The following ZFP14 variants were observed in gnomAD, a reference collection of about 807,000 sequenced individuals.
ZFP14 encodes the protein ZFP14 zinc finger protein.
Under a neutral mutation model 54.5 loss-of-function variants are expected in ZFP14, and 22 were observed. That is an observed-to-expected ratio of 0.40 (90% CI 0.29 to 0.58). The LOEUF (loss-of-function observed/expected upper bound fraction) is 0.58. Among genes scored for constraint, ZFP14 ranks in the 20% least tolerant of loss-of-function variants. The pLI, the probability that ZFP14 is intolerant of heterozygous loss-of-function variation, is 0.39. For missense variants in ZFP14, 470 were observed against 637.8 expected, an observed-to-expected ratio of 0.74 and a Z score of 2.83; for synonymous variants, 159 against 204.0, an observed-to-expected ratio of 0.78 and a Z score of 1.88.
At chr19:36,364,949 C>T (rs1386560204) in intron 2 of ZFP14, among the ~76,000 whole-genome samples, 1 of 149,788 alleles carries the variant, frequency 6.7e-6, no homozygotes, top group African/African-American at 2.5e-5. Context: ...TTCTTTCCTT[C>T]CTTCCTCCTT....
At position 36,341,200 on chromosome 19, in the gene ZFP14, A is replaced by T; in HGVS notation, c.626T>A (p.Phe209Tyr). ...PYKCKECGQA[F>Y]RQRAHLIRHH... is the part of the protein sequence containing the mutation. Reference sequence around the variant, plus strand: ...TCGAATAAGATGTGCACGCTGTCTAAAGGCCTGCCCACATTCCTTACACTT... The same window carrying T: ...TCGAATAAGATGTGCACGCTGTCTATAGGCCTGCCCACATTCCTTACACTT... The change falls in exon 5 of 5, where the codon TTT (phenylalanine) becomes TAT (tyrosine). Residue 209 changes from phenylalanine to tyrosine, a missense_variant. By Grantham distance (22) the Phe-to-Tyr change is conservative. Transcript: ENST00000270001. This position sits in a 1 kb window ranked among gnomAD's most constrained non-coding sequence, Gnocchi z 4.2. 1.2e-6 allele frequency: 2 copies of T among 1,614,168 alleles called. No homozygotes were observed.
intron 4 of ZFP14, among the ~76,000 whole-genome samples, chr19:36,349,697 T>A (rs1298139660): frequency 1.4e-5 from 2 of 145,208 alleles, no homozygotes; most frequent in African/African-American, 2.5e-5. Context: ...ATATATATAA[T>A]ATATATATAA....
At chr19:36,371,855 G>A (rs780925006) in intron 1 of ZFP14, among the ~76,000 whole-genome samples, 7 of 151,928 alleles carry the variant, frequency 4.6e-5, no homozygotes, top group Non-Finnish European at 1.0e-4. Flanking sequence ...CTACATGGGC[G>A]GCTGAAGCAG....
chr19:36,357,633 G>A (rs957975309), intron 4 of ZFP14, among the ~76,000 whole-genome samples: 7 of 152,162 alleles, frequency 4.6e-5, no homozygotes, highest in Non-Finnish European at 8.8e-5. Context: ...CCTTTAGTGC[G>A]TGTGTGGCAG....
At chr19:36,351,516 G>T (rs2031525333) in intron 4 of ZFP14, among the ~76,000 whole-genome samples, 1 of 139,718 alleles carries the variant, frequency 7.2e-6, no homozygotes, top group African/African-American at 2.6e-5. Flanking sequence ...GAAAAAAAAA[G>T]GCATATGACA....
Position 36,337,622 on chromosome 19 carries a change from G to A in ZFP14, c.*2602C>T, listed in dbSNP as rs2031228548. On this transcript the variant is annotated 3_prime_UTR_variant, in exon 5 of 5. Coordinates refer to ENST00000270001, the MANE Select transcript of ZFP14 (RefSeq NM_020917.3). ...ATTTTACCATCAGTGGAGGATCCTG[G>A]AACCAATTCCCCATGGATACCAAGG... The A allele has an allele frequency of 6.6e-6, 1 of 152,126 alleles. No individual in the cohort carries two copies. Among genetic ancestry groups the A allele is most frequent in the Non-Finnish European group, 1.5e-5 (1 of 68,026 alleles). 9.4% of individuals were successfully genotyped at this position (152,126 alleles called of 1,614,324 possible).
At chr19:36,366,839 A>C (rs1177032661) in intron 2 of ZFP14, among the ~76,000 whole-genome samples, 1 of 152,106 alleles carries the variant, frequency 6.6e-6, no homozygotes, top group Non-Finnish European at 1.5e-5. Flanking sequence ...CTCCACAAAA[A>C]ATTTCAAAAA....
At chr19:36,352,113 G>A (rs2031537139) in intron 4 of ZFP14, among the ~76,000 whole-genome samples, 1 of 141,410 alleles carries the variant, frequency 7.1e-6, no homozygotes, top group Non-Finnish European at 1.6e-5. Context: ...GAACTCGGGA[G>A]GCAGAGCTTG....
Position 36,362,198 on chromosome 19 carries a change from T to C in ZFP14, c.50A>G (p.Gln17Arg), listed in dbSNP as rs201151846. ...TFRDVAIDFS[Q>R]EEWEFLDPAQ... The stretch of plus-strand genomic sequence containing the variant: ...AGGATCCAGGAATTCCCATTCTTCC[T>C]GTGAGAAGTCTATGGCCACATCCCT... Residue 17 changes from glutamine (Q) to arginine (R), a missense_variant, in exon 3 of 5, where the codon CAG becomes CGG. Transcript: ENST00000270001. 1.1e-4 allele frequency: 177 copies of C among 1,613,058 alleles called. No homozygotes were observed. Among genetic ancestry groups the C allele is most frequent in the Middle Eastern group, 8.3e-4 (5 of 6,060 alleles).
At chr19:36,347,442 T>G (rs1319441712) in intron 4 of ZFP14, among the ~76,000 whole-genome samples, 1 of 148,724 alleles carries the variant, frequency 6.7e-6, no homozygotes, top group Non-Finnish European at 1.5e-5. Flanking sequence ...AAACCTCATC[T>G]CTACAAAAAC....
rs571428253 is a variant in ZFP14 at position 36,349,684 on chromosome 19, T to A, written c.236-8094A>T. 2.5e-3 allele frequency among the ~76,000 whole-genome samples: 354 copies of A among 140,938 alleles called. 1 individual carries two copies. The highest frequency in any genetic ancestry group is 8.6e-3 in the African/African-American group (328 of 37,940). The allele number at this position is 140,938 out of a possible 152,430, so 92.5% of individuals were successfully genotyped here. A position where few individuals can be genotyped will look rare whatever the true frequency, so the allele number is the denominator to read the frequency against. On this transcript the variant is annotated intron_variant, in intron 4 of 4. Transcript: ENST00000270001. ...TCTGTCTCAAAACAAAAAAAAAATATATATATATATAATATATATATAATA... is the reference window on the plus strand; with the variant it reads ...TCTGTCTCAAAACAAAAAAAAAATAAATATATATATAATATATATATAATA...
chr19:36,369,363 A>G (rs117629106), intron 1 of ZFP14, among the ~76,000 whole-genome samples: 3 of 151,798 alleles, frequency 2.0e-5, no homozygotes, highest in African/African-American at 7.3e-5. Flanking sequence ...TTGAATCTAC[A>G]TTTCTCTAAC....
intron 2 of ZFP14, among the ~76,000 whole-genome samples, chr19:36,364,437 AG>A (rs1484210483): frequency 6.6e-6 from 1 of 152,136 alleles, no homozygotes; most frequent in East Asian, 1.9e-4. Context: ...ATAGGCTAGC[AG>A]GGAGGTGAAA....
intron 4 of ZFP14, among the ~76,000 whole-genome samples, chr19:36,349,385 C>G (rs1339936574): frequency 6.6e-6 from 1 of 151,362 alleles, no homozygotes; most frequent in African/African-American, 2.4e-5. Context: ...AATTTACAGG[C>G]TGGGCACAGT....
At position 36,340,047 on chromosome 19, in the gene ZFP14, C is replaced by T. The variant is rs2031280329; in HGVS notation, c.*177G>A. ...TCCTACATTCATTACATTATTCTCT[C>T]ATAGGAATTTGCTGAAGATAAACCA... On this transcript the variant is annotated 3_prime_UTR_variant, in exon 5 of 5. Transcript: ENST00000270001. The surrounding 1 kb of genome is among the most constrained non-coding windows in gnomAD (Gnocchi z 5.4). 1 of 578,496 alleles carries T rather than the reference C, an allele frequency of 1.7e-6. No homozygotes were observed. The highest frequency in any genetic ancestry group is 4.2e-5 in the South Asian group (1 of 23,844). The allele number at this position is 578,496 out of a possible 1,614,324, so 35.8% of individuals were successfully genotyped here.
chr19:36,337,647 G>A lies in ZFP14; in HGVS notation c.*2577C>T, dbSNP rs569293906. ...GAACCAATTCCCCATGGATACCAAGGGATGACCATATACTGTTCATCTAGT... is the reference window on the plus strand; with the variant it reads ...GAACCAATTCCCCATGGATACCAAGAGATGACCATATACTGTTCATCTAGT... On this transcript the variant is annotated 3_prime_UTR_variant, in exon 5 of 5. Transcript: ENST00000270001. The A allele has an allele frequency of 1.3e-4, 20 of 152,254 alleles. No individual in the cohort carries two copies. In the East Asian group the frequency reaches 3.7e-3, roughly 28 times the overall value. The allele number at this position is 152,254 out of a possible 1,614,324, so 9.4% of individuals were successfully genotyped here.
At position 36,355,320 on chromosome 19, in the gene ZFP14, G is replaced by A. The variant is rs1210442322; in HGVS notation, c.235+5115C>T. On this transcript the variant is annotated intron_variant, in intron 4 of 4. Coordinates refer to ENST00000270001, the MANE Select transcript of ZFP14 (RefSeq NM_020917.3). ...TATGTGGAGATGGGGCTTTTAGGAG[G>A]TAATTAAGGTTAAAGGAGGCCTAGA... Among the ~76,000 whole-genome samples the A allele has an allele frequency of 2.1e-5, 3 of 142,404 alleles. 1 individual carries two copies. The highest frequency in any genetic ancestry group is 7.7e-5 in the African/African-American group (3 of 38,850). 93.4% of individuals were successfully genotyped at this position (142,404 alleles called of 152,430 possible).
Position 36,356,009 on chromosome 19 carries a change from A to T in ZFP14, c.235+4426T>A, listed in dbSNP as rs897882371. ...CATTCCCCTCAACAGCATCCTTAAA[A>T]TTTTTTTTATTTTAAAATAATTATA... On this transcript the variant is annotated intron_variant, in intron 4 of 4. Transcript: ENST00000270001. Among the ~76,000 whole-genome samples, 6 of 142,772 alleles carry T rather than the reference A, an allele frequency of 4.2e-5. 1 individual carries two copies. Among genetic ancestry groups the T allele is most frequent in the African/African-American group, 2.6e-5 (1 of 39,078 alleles). 93.7% of individuals were successfully genotyped at this position (142,772 alleles called of 152,430 possible).
rs1486024156 is a variant in ZFP14 at position 36,367,951 on chromosome 19, T to C, written c.-59A>G. The C allele has an allele frequency of 6.3e-7, 1 of 1,582,444 alleles. No individual in the cohort carries two copies. The highest frequency in any genetic ancestry group is 8.6e-7 in the Non-Finnish European group (1 of 1,164,232). On this transcript the variant is annotated 5_prime_UTR_variant, in exon 2 of 5. Transcript: ENST00000270001. ...TCAAGATTTCTCTGTTGGAGAACTA[T>C]GGAGTCCTGATAAGCCAGAGCTGAA...
Sources: gnomAD v4.1 joint callset for allele counts (sites outside exome capture counted in the v4.1 genomes callset) on GRCh38, gnomAD v4.1.1 for gene constraint, Gnocchi (gnomAD v3.1) non-coding constraint, MANE v1.5 for transcripts, NCBI Gene and HGNC (gene_info 2026-07-23, HGNC 2026-07-21) for gene names.